Variants in GALNT18 observed in about 807,000 individuals in gnomAD.
The protein encoded by GALNT18 is polypeptide N-acetylgalactosaminyltransferase 18.
A neutral mutation model predicts 69.5 loss-of-function variants in GALNT18; 44 were observed. The ratio of observed to expected loss-of-function variants is 0.63; its 90% CI spans 0.50 to 0.81. The LOEUF is 0.81. Ranked by LOEUF, GALNT18 falls within the 40% of genes least tolerant of loss-of-function variation. GALNT18 has a pLI of 0.00. For synonymous variants in GALNT18, 364 were observed against 318.2 expected (o/e 1.14, Z -1.53); for missense variants, 715 against 810.0 (o/e 0.88, Z 1.42).
intron 1 of GALNT18, among the ~76,000 whole-genome samples, chr11:11,487,314 T>C (rs540390333): frequency 1.3e-5 from 2 of 152,144 alleles, no homozygotes; most frequent in East Asian, 3.9e-4. Flanking sequence ...GTTCAGTATA[T>C]CCTGCTTGGG....
intron 3 of GALNT18, among the ~76,000 whole-genome samples, chr11:11,391,470 C>T (rs4243928): frequency 0.053 from 8,001 of 152,308 alleles, 338 homozygotes; most frequent in Admixed American, 0.13. Flanking sequence ...GTCTATGGGA[C>T]CAAGGGCAAG....
intron 1 of GALNT18, among the ~76,000 whole-genome samples, chr11:11,554,517 G>A (rs1858281858): frequency 6.6e-6 from 1 of 152,056 alleles, no homozygotes; most frequent in African/African-American, 2.4e-5. Context: ...CTAAACTTCT[G>A]AGATGAAATT....
intron 1 of GALNT18, among the ~76,000 whole-genome samples, chr11:11,611,803 G>C (rs574268172): frequency 6.6e-6 from 1 of 152,136 alleles, no homozygotes; most frequent in East Asian, 1.9e-4. Context: ...TTTTGACAAG[G>C]ACCAGTTCCT....
chr11:11,553,689 G>A (rs1414299682), intron 1 of GALNT18, among the ~76,000 whole-genome samples: 1 of 150,754 alleles, frequency 6.6e-6, no homozygotes, highest in Non-Finnish European at 1.5e-5. Context: ...CTCCCCCCCA[G>A]CACCCCCACA....
At chr11:11,550,796 T>C (rs1858169961) in intron 1 of GALNT18, among the ~76,000 whole-genome samples, 1 of 152,218 alleles carries the variant, frequency 6.6e-6, no homozygotes, top group Admixed American at 6.5e-5. Context: ...AGCTAAGTGT[T>C]AATTTTCTTT....
At chr11:11,585,211 T>C (rs1276679137) in intron 1 of GALNT18, among the ~76,000 whole-genome samples, 1 of 152,226 alleles carries the variant, frequency 6.6e-6, no homozygotes, top group Admixed American at 6.5e-5. Flanking sequence ...CATTTACTGA[T>C]GTGGTTTCAG....
chr11:11,338,131 C>T lies in GALNT18; in HGVS notation c.1278+2688G>A, dbSNP rs1044000037. 6.6e-6 allele frequency among the ~76,000 whole-genome samples: 1 copy of T among 151,910 alleles called. No individual in the cohort carries two copies. Among genetic ancestry groups the T allele is most frequent in the African/African-American group, 2.4e-5 (1 of 41,376 alleles). On this transcript the variant is annotated intron_variant, in intron 7 of 10. Coordinates refer to ENST00000227756, the MANE Select transcript of GALNT18 (RefSeq NM_198516.3). This position sits in a 1 kb window ranked among gnomAD's most constrained non-coding sequence, Gnocchi z 5.3. ...TACAGGCATGTGCCACCAAGCCTGG[C>T]TAATTTTTGTATTTTTAGTAGAGAT...
intron 9 of GALNT18, among the ~76,000 whole-genome samples, chr11:11,312,042 T>C (rs975712007): frequency 2.0e-5 from 3 of 152,170 alleles, no homozygotes; most frequent in East Asian, 1.9e-4. Flanking sequence ...CTGCAAGCTC[T>C]ACCTCCCGGG....
chr11:11,508,287 T>G (rs1857106347), intron 1 of GALNT18, among the ~76,000 whole-genome samples: 1 of 152,226 alleles, frequency 6.6e-6, no homozygotes. Context: ...GATACGCTAT[T>G]TGAGGTAGGA....
rs193227751 is a variant in GALNT18 at position 11,371,114 on chromosome 11, C to A, written c.1092+1401G>T. Among the ~76,000 whole-genome samples the A allele has an allele frequency of 2.0e-5, 3 of 152,334 alleles. No individual in the cohort carries two copies. In the East Asian group the frequency reaches 5.8e-4, roughly 29 times the overall value. ...TCAGGGTTTCAATGAATACAGATGT[C>A]TGGAAGTGTTTTCTAAGCTCGGCTT... On this transcript the variant is annotated intron_variant, in intron 6 of 10. Transcript: ENST00000227756.
chr11:11,296,906 C>T (rs1243526957), intron 9 of GALNT18, among the ~76,000 whole-genome samples: 1 of 152,128 alleles, frequency 6.6e-6, no homozygotes. Context: ...ATTAAATAAA[C>T]AAATTGCTCG....
chr11:11,332,680 G>A lies in GALNT18; in HGVS notation c.1416+14C>T, dbSNP rs374659941. The A allele has an allele frequency of 1.5e-5, 24 of 1,613,616 alleles. No individual in the cohort carries two copies. In the African/African-American group the frequency reaches 2.8e-4, roughly 19 times the overall value. ...CTGTGTCTGAATGAAACCCGGAGGA[G>A]GCCAGCTCCTTACCACTCCATAGGC... On this transcript the variant is annotated intron_variant, in intron 8 of 10. Transcript: ENST00000227756. This position sits in a 1 kb window ranked among gnomAD's most constrained non-coding sequence, Gnocchi z 4.3.
chr11:11,333,506 T>A (rs1257610161), intron 7 of GALNT18, among the ~76,000 whole-genome samples: 1 of 152,066 alleles, frequency 6.6e-6, no homozygotes, highest in Admixed American at 6.5e-5. Flanking sequence ...TAATAAACGG[T>A]GGAGCTGAGA....
chr11:11,273,361 CAAAAAATCCAATT>C (rs1848867219), intron 10 of GALNT18, among the ~76,000 whole-genome samples: 1 of 151,946 alleles, frequency 6.6e-6, no homozygotes, highest in African/African-American at 2.4e-5. Flanking sequence ...AGCAAGAAGG[CAAAAAATCCAATT>C]AAAAAATGGG....
At chr11:11,484,457 G>GT (rs1307350252) in intron 1 of GALNT18, among the ~76,000 whole-genome samples, 1 of 151,958 alleles carries the variant, frequency 6.6e-6, no homozygotes. Flanking sequence ...GCCAAGTATG[G>GT]TAGCACACTC....
chr11:11,276,970 TTC>T (rs1306444761), intron 10 of GALNT18, among the ~76,000 whole-genome samples: 9 of 151,444 alleles, frequency 5.9e-5, no homozygotes, highest in Non-Finnish European at 8.8e-5. Context: ...GCCTGAAATT[TTC>T]TTTTTTTGTT....
chr11:11,454,334 A>G lies in GALNT18; in HGVS notation c.236-5398T>C, dbSNP rs778144004. 3.9e-5 allele frequency among the ~76,000 whole-genome samples: 6 copies of G among 152,168 alleles called. No homozygotes were observed. The highest frequency in any genetic ancestry group is 8.8e-5 in the Non-Finnish European group (6 of 68,042). On this transcript the variant is annotated intron_variant, in intron 1 of 10. Coordinates refer to ENST00000227756, the MANE Select transcript of GALNT18 (RefSeq NM_198516.3). The surrounding 1 kb of genome is among the most constrained non-coding windows in gnomAD (Gnocchi z 4.2). ...CACAAAATACGGTCAGTGGTAAGCAATCTCCACTGCTCTCCCAGGACTCCT... is the reference window on the plus strand; with the variant it reads ...CACAAAATACGGTCAGTGGTAAGCAGTCTCCACTGCTCTCCCAGGACTCCT...
intron 9 of GALNT18, among the ~76,000 whole-genome samples, chr11:11,303,475 G>T (rs943842436): frequency 2.0e-5 from 3 of 152,090 alleles, no homozygotes; most frequent in Non-Finnish European, 4.4e-5. Flanking sequence ...TGCTTCTAGA[G>T]AAACCTGACT....
At chr11:11,325,073 C>A (rs894798377) in intron 9 of GALNT18, among the ~76,000 whole-genome samples, 1 of 152,178 alleles carries the variant, frequency 6.6e-6, no homozygotes, top group African/African-American at 2.4e-5. Context: ...TATAGCAGCA[C>A]AATTCACAAT....
Sources: allele counts gnomAD v4.1 joint callset (sites outside exome capture counted in the v4.1 genomes callset), GRCh38; gene constraint gnomAD v4.1.1; non-coding constraint Gnocchi (gnomAD v3.1); transcripts MANE v1.5; gene names NCBI Gene and HGNC (gene_info 2026-07-23, HGNC 2026-07-21).